Variants in SKI observed in about 807,000 individuals in gnomAD.
SKI encodes ski oncogene.
SKI carries 23 observed loss-of-function variants against 59.3 expected under a neutral mutation model. The ratio of observed to expected loss-of-function variants is 0.39; its 90% CI spans 0.28 to 0.55. The LOEUF (loss-of-function observed/expected upper bound fraction) is 0.55, where lower values mean the gene tolerates loss of function less well. SKI is among the 20% of genes least tolerant of loss of function. The probability of loss-of-function intolerance (pLI) is 0.67; values close to 1 mark genes in which losing one functional copy is unlikely to be tolerated. For synonymous variants in SKI, 673 were observed against 488.6 expected (o/e 1.38, Z -4.98); for missense variants, 1,017 against 1,038.9 (o/e 0.98, Z 0.29).
intron 1 of SKI, among the ~76,000 whole-genome samples, chr1:2,244,599 C>G (rs10910034): frequency 6.6e-6 from 1 of 151,820 alleles, no homozygotes; most frequent in African/African-American, 2.4e-5. Flanking sequence ...AAAGCAAAAA[C>G]AAGATTCTGT....
chr1:2,297,160 G>A (rs1311075452), intron 1 of SKI, among the ~76,000 whole-genome samples: 1 of 152,072 alleles, frequency 6.6e-6, no homozygotes, highest in Non-Finnish European at 1.5e-5. Flanking sequence ...AGGCTGGAGT[G>A]TAGTGGTGGG....
chr1:2,275,932 C>T (rs1352854098), intron 1 of SKI, among the ~76,000 whole-genome samples: 1 of 152,052 alleles, frequency 6.6e-6, no homozygotes, highest in Non-Finnish European at 1.5e-5. Context: ...GCCCACCCTC[C>T]CTGCCCGGGC....
At chr1:2,305,091 C>T (rs547686789) in intron 5 of SKI, among the ~76,000 whole-genome samples, 4 of 152,324 alleles carry the variant, frequency 2.6e-5, no homozygotes, top group East Asian at 3.9e-4. Flanking sequence ...AGGCGGCTCC[C>T]GCCAGGCCTC....
intron 1 of SKI, among the ~76,000 whole-genome samples, chr1:2,293,433 C>CCA (rs1640210986): frequency 6.6e-6 from 1 of 151,614 alleles, no homozygotes; most frequent in Admixed American, 6.6e-5. Context: ...CGAGGCCCCC[C>CCA]CCCAACATCT....
At chr1:2,230,586 T>G (rs1638612792) in intron 1 of SKI, among the ~76,000 whole-genome samples, 1 of 152,186 alleles carries the variant, frequency 6.6e-6, no homozygotes. Flanking sequence ...GCTGCTGGCC[T>G]GGCTTTGTTG....
chr1:2,274,158 G>A (rs528818751), intron 1 of SKI, among the ~76,000 whole-genome samples: 1 of 152,078 alleles, frequency 6.6e-6, no homozygotes, highest in Admixed American at 6.6e-5. Flanking sequence ...CACTGGTTTT[G>A]CTCCGAGGCT....
chr1:2,302,658 G>A (rs1640453673), intron 1 of SKI, among the ~76,000 whole-genome samples: 1 of 152,144 alleles, frequency 6.6e-6, no homozygotes, highest in African/African-American at 2.4e-5. Flanking sequence ...GGGAGAGTGG[G>A]TCTTGGTGCT....
rs1639543413 is a variant in SKI at position 2,268,387 on chromosome 1, AC to A, written c.970-34588del. Among the ~76,000 whole-genome samples, 1 of 151,942 alleles carries A rather than the reference AC, an allele frequency of 6.6e-6. No individual in the cohort carries two copies. The highest frequency in any genetic ancestry group is 1.5e-5 in the Non-Finnish European group (1 of 67,970). ...GTCCTGGTGCTCTGTGGCCTGGGACACCCGTGCTTCCTGCAGGCTCTGCGTG... is the reference window on the plus strand; with the variant it reads ...GTCCTGGTGCTCTGTGGCCTGGGACACCGTGCTTCCTGCAGGCTCTGCGTG... On this transcript the variant is annotated intron_variant, in intron 1 of 6. Transcript: ENST00000378536. This position sits in a 1 kb window ranked among gnomAD's most constrained non-coding sequence, Gnocchi z 5.0.
rs749743463 is a variant in SKI at position 2,306,965 on chromosome 1, G to A, written c.*200G>A. ...CTACTGGCCAAGTTCAAGTGAGTAA[G>A]CCGCGTCCCCCAACTACAGCTGGAG... On this transcript the variant is annotated 3_prime_UTR_variant, in exon 7 of 7. Coordinates refer to ENST00000378536, the MANE Select transcript of SKI (RefSeq NM_003036.4). 1 of 339,654 alleles carries A rather than the reference G, an allele frequency of 2.9e-6. No individual in the cohort carries two copies. Among genetic ancestry groups the A allele is most frequent in the Non-Finnish European group, 5.2e-6 (1 of 190,816 alleles). 21.0% of individuals were successfully genotyped at this position (339,654 alleles called of 1,614,324 possible).
intron 1 of SKI, among the ~76,000 whole-genome samples, chr1:2,238,304 T>C (rs1006381440): frequency 6.6e-6 from 1 of 152,238 alleles, no homozygotes; most frequent in African/African-American, 2.4e-5. Context: ...TCTTTTTTTA[T>C]GGTTTCCCAG....
intron 4 of SKI, 61 bp downstream of exon 4, chr1:2,304,163 G>A (rs1233121005): frequency 1.9e-6 from 3 of 1,601,748 alleles, no homozygotes; most frequent in Admixed American, 3.4e-5. Context: ...CACTGGCTGA[G>A]GGGGGCTGGT....
At chr1:2,289,834 C>A (rs2843166) in intron 1 of SKI, among the ~76,000 whole-genome samples, 79,136 of 151,774 alleles carry the variant, frequency 0.52, 22,373 homozygotes, top group African/African-American at 0.76. Flanking sequence ...GCTGGCCTGG[C>A]CTCCCTCTGG....
At chr1:2,271,151 G>A (rs1342293688) in intron 1 of SKI, among the ~76,000 whole-genome samples, 3 of 152,082 alleles carry the variant, frequency 2.0e-5, no homozygotes, top group Non-Finnish European at 4.4e-5. Flanking sequence ...CTTTGTGATT[G>A]GCGACCCCAG....
At chr1:2,284,231 C>T (rs1639982573) in intron 1 of SKI, among the ~76,000 whole-genome samples, 1 of 152,136 alleles carries the variant, frequency 6.6e-6, no homozygotes, top group African/African-American at 2.4e-5. Flanking sequence ...GGCCGGGGCT[C>T]CCTCAGGTTG....
At chr1:2,301,669 TGATGCAGCGTCTTCTCCTA>T (rs529659837) in intron 1 of SKI, among the ~76,000 whole-genome samples, 216 of 152,090 alleles carry the variant, frequency 1.4e-3, no homozygotes, top group African/African-American at 4.9e-3. Flanking sequence ...GGCTGGTTCC[TGATGCAGCGTCTTCTCCTA>T]GAGTCCTGGA....
rs148966125 is a variant in SKI, at chr1:2,292,245, C to T, written c.970-10733C>T. On this transcript the variant is annotated intron_variant, in intron 1 of 6. Transcript: ENST00000378536. Reference sequence around the variant, plus strand: ...GCTCAGGGCTGCACGGGAGTTGCCACGTAGGAGAGCACAGCCCACCTTGGG... The same window carrying T: ...GCTCAGGGCTGCACGGGAGTTGCCATGTAGGAGAGCACAGCCCACCTTGGG... Among the ~76,000 whole-genome samples, 565 of 152,266 alleles carry T rather than the reference C, an allele frequency of 3.7e-3. 3 individuals carry two copies. The highest frequency in any genetic ancestry group is 0.013 in the African/African-American group (533 of 41,550).
At chr1:2,235,891 G>T (rs1292771790) in intron 1 of SKI, among the ~76,000 whole-genome samples, 2 of 152,194 alleles carry the variant, frequency 1.3e-5, no homozygotes, top group Admixed American at 6.5e-5. Flanking sequence ...GTAGGCCTTC[G>T]CTTGAAGTGC....
chr1:2,306,237 A>T lies in SKI; in HGVS notation c.1985A>T (p.Lys662Met), dbSNP rs1366770818. 10 of 1,555,734 alleles carry T rather than the reference A, an allele frequency of 6.4e-6. No homozygotes were observed. The highest frequency in any genetic ancestry group is 8.7e-6 in the Non-Finnish European group (10 of 1,150,840). The change falls in exon 6 of 7, where the codon AAG (lysine) becomes ATG (methionine). Residue 662 changes from lysine (K) to methionine (M), a missense_variant. Physicochemically the swap from Lys to Met is moderately conservative, Grantham distance 95. Transcript: ENST00000378536. ...TGCGAGGCGGGCCGCCTGCGCGCCA[A>T]GTACTCGGCCCAGGTATGCGGGTGG... ...KGCEAGRLRA[K>M]YSAQIEDLQV...
At position 2,306,592 on chromosome 1, in the gene SKI, G is replaced by A. The variant is rs1339249855; in HGVS notation, c.2014G>A (p.Val672Met). 32 of 1,543,446 alleles carry A rather than the reference G, an allele frequency of 2.1e-5. No homozygotes were observed. Among genetic ancestry groups the A allele is most frequent in the Non-Finnish European group, 2.8e-5 (32 of 1,145,568 alleles). ...TCCCTTTCAGATCGAAGACCTGCAG[G>A]TGAAGCTGCAGCACGCGGAGGCGGA... ...KYSAQIEDLQ[V>M]KLQHAEADRE... The change falls in exon 7 of 7, where the codon GTG (valine) becomes ATG (methionine). Residue 672 changes from valine (V) to methionine (M), a missense_variant. Val to Met is a conservative substitution (Grantham distance 21). Transcript: ENST00000378536.
Sources: allele counts gnomAD v4.1 joint callset (sites outside exome capture counted in the v4.1 genomes callset), GRCh38; gene constraint gnomAD v4.1.1; non-coding constraint Gnocchi (gnomAD v3.1); transcripts MANE v1.5; gene names NCBI Gene and HGNC (gene_info 2026-07-23, HGNC 2026-07-21).